The following DNAJC15 variants were observed in gnomAD, a reference collection of about 807,000 sequenced individuals.
DNAJC15 encodes the protein DnaJ heat shock protein family (Hsp40) member C15.
A neutral mutation model predicts 22.4 loss-of-function variants in DNAJC15; 27 were observed. That is an observed-to-expected ratio of 1.20 (90% CI 0.89 to 1.66). The LOEUF (loss-of-function observed/expected upper bound fraction) is 1.66. Among genes scored for constraint, DNAJC15 ranks in the 40% most tolerant of loss-of-function variants. DNAJC15 has a pLI of 0.00. For missense variants in DNAJC15, 208 were observed against 187.1 expected, an observed-to-expected ratio of 1.11 and a Z score of -0.65; for synonymous variants, 79 against 63.2, an observed-to-expected ratio of 1.25 and a Z score of -1.19.
intron 1 of DNAJC15, among the ~76,000 whole-genome samples, chr13:43,053,470 A>C (rs118077198): frequency 3.9e-4 from 60 of 152,118 alleles, no homozygotes; most frequent in African/African-American, 1.3e-3. Flanking sequence ...TGGGAATTGC[A>C]TTGAGTTTGT....
At chr13:43,084,835 C>T (rs1021327393) in intron 4 of DNAJC15, among the ~76,000 whole-genome samples, 2 of 151,748 alleles carry the variant, frequency 1.3e-5, no homozygotes, top group African/African-American at 4.8e-5. Flanking sequence ...GGGTTTTTTT[C>T]ACAAAGCTAA....
At chr13:43,066,024 A>G (rs1006113335) in intron 2 of DNAJC15, among the ~76,000 whole-genome samples, 1 of 152,178 alleles carries the variant, frequency 6.6e-6, no homozygotes, top group African/African-American at 2.4e-5. Flanking sequence ...TATAAAAAGA[A>G]ATTTTAATAT....
At chr13:43,065,263 TTGA>T (rs1359574621) in intron 1 of DNAJC15, among the ~76,000 whole-genome samples, 1 of 152,218 alleles carries the variant, frequency 6.6e-6, no homozygotes, top group African/African-American at 2.4e-5. Flanking sequence ...TTCCTAAACA[TTGA>T]TGTAAGGTTT....
At chr13:43,079,683 C>T (rs944755231) in intron 4 of DNAJC15, among the ~76,000 whole-genome samples, 19 of 152,264 alleles carry the variant, frequency 1.2e-4, no homozygotes, top group Middle Eastern at 3.4e-3. Context: ...CCAAAATACC[C>T]TGTTGATTAT....
At chr13:43,097,277 G>A (rs920012428) in intron 5 of DNAJC15, among the ~76,000 whole-genome samples, 3 of 152,158 alleles carry the variant, frequency 2.0e-5, no homozygotes, top group Non-Finnish European at 2.9e-5. Flanking sequence ...AATATTTCAG[G>A]CTGAAGAAAC....
intron 1 of DNAJC15, among the ~76,000 whole-genome samples, chr13:43,049,923 A>G (rs2040495125): frequency 1.3e-5 from 2 of 151,992 alleles, no homozygotes; most frequent in Admixed American, 6.6e-5. Flanking sequence ...TGTTTGTTTT[A>G]TTTTATTTGT....
intron 4 of DNAJC15, among the ~76,000 whole-genome samples, chr13:43,083,165 T>C (rs1311949754): frequency 6.6e-6 from 1 of 152,030 alleles, no homozygotes; most frequent in Non-Finnish European, 1.5e-5. Flanking sequence ...TAATCCTAAT[T>C]TCTTTTTTTT....
intron 2 of DNAJC15, among the ~76,000 whole-genome samples, chr13:43,067,197 T>G (rs1297312837): frequency 6.6e-6 from 1 of 152,198 alleles, no homozygotes; most frequent in Non-Finnish European, 1.5e-5. Flanking sequence ...GGTCTTGTTT[T>G]GTATGGTATT....
intron 3 of DNAJC15, among the ~76,000 whole-genome samples, chr13:43,073,691 ATT>A (rs1400112719): frequency 6.6e-6 from 1 of 151,878 alleles, no homozygotes; most frequent in East Asian, 1.9e-4. Flanking sequence ...TTTACCTAGG[ATT>A]TCTTTAAACT....
chr13:43,068,193 C>T (rs764861290), intron 2 of DNAJC15, among the ~76,000 whole-genome samples: 29 of 152,066 alleles, frequency 1.9e-4, no homozygotes, highest in Non-Finnish European at 3.2e-4. Context: ...GTAGAAGACA[C>T]AATCTGATTG....
intron 1 of DNAJC15, among the ~76,000 whole-genome samples, chr13:43,047,036 T>G (rs1434936820): frequency 2.0e-5 from 3 of 152,180 alleles, no homozygotes; most frequent in Non-Finnish European, 4.4e-5. Flanking sequence ...AGGTTCAATT[T>G]CTTGGAATCT....
chr13:43,044,920 C>G (rs893784713), intron 1 of DNAJC15, among the ~76,000 whole-genome samples: 11 of 152,054 alleles, frequency 7.2e-5, no homozygotes, highest in Middle Eastern at 3.2e-3. Flanking sequence ...TGCTTTTCAT[C>G]CTCTACAATC....
chr13:43,039,376 T>G (rs1021670646), intron 1 of DNAJC15, among the ~76,000 whole-genome samples: 1 of 152,210 alleles, frequency 6.6e-6, no homozygotes, highest in Non-Finnish European at 1.5e-5. Context: ...TATAAAATTA[T>G]AGTGTTTCTA....
At chr13:43,091,306 A>G (rs1009220277) in intron 5 of DNAJC15, among the ~76,000 whole-genome samples, 8 of 152,100 alleles carry the variant, frequency 5.3e-5, no homozygotes, top group African/African-American at 1.9e-4. Context: ...CAGGCTGGTC[A>G]CGAACTCCTG....
intron 5 of DNAJC15, among the ~76,000 whole-genome samples, chr13:43,087,911 T>C (rs1443997077): frequency 7.2e-5 from 11 of 152,154 alleles, no homozygotes; most frequent in Admixed American, 7.2e-4. Context: ...TTCAATGTAG[T>C]GAGATAAAAA....
At chr13:43,099,438 A>G (rs1211129544) in intron 5 of DNAJC15, among the ~76,000 whole-genome samples, 1 of 152,194 alleles carries the variant, frequency 6.6e-6, no homozygotes, top group Non-Finnish European at 1.5e-5. Flanking sequence ...TTTATTAAGA[A>G]CAGACATCCT....
At chr13:43,052,531 C>T (rs1175675194) in intron 1 of DNAJC15, among the ~76,000 whole-genome samples, 2 of 151,974 alleles carry the variant, frequency 1.3e-5, no homozygotes, top group Non-Finnish European at 2.9e-5. Flanking sequence ...GATTCTCCTG[C>T]CTCAACCTCC....
At chr13:43,032,492 A>G (rs1307873060) in intron 1 of DNAJC15, among the ~76,000 whole-genome samples, 9 of 152,204 alleles carry the variant, frequency 5.9e-5, no homozygotes, top group Non-Finnish European at 1.3e-4. Context: ...ACACTGTCTT[A>G]TGTCCTTGGA....
intron 1 of DNAJC15, among the ~76,000 whole-genome samples, chr13:43,057,593 T>C (rs1236913441): frequency 6.6e-6 from 1 of 152,256 alleles, no homozygotes; most frequent in Non-Finnish European, 1.5e-5. Context: ...GAAATCTTTA[T>C]CTGACAATTT....
Sources: allele counts gnomAD v4.1 joint callset (sites outside exome capture counted in the v4.1 genomes callset), GRCh38; gene constraint gnomAD v4.1.1; transcripts MANE v1.5; gene names NCBI Gene and HGNC (gene_info 2026-07-23, HGNC 2026-07-21).